The following DGKZ variants were observed in gnomAD, a reference collection of about 807,000 sequenced individuals.
The protein encoded by DGKZ is DAG kinase zeta.
DGKZ carries 45 observed loss-of-function variants against 142.5 expected under a neutral mutation model. The ratio of observed to expected loss-of-function variants is 0.32; its 90% CI spans 0.25 to 0.40. DGKZ has a LOEUF of 0.40. Ranked by LOEUF, DGKZ falls within the 10% of genes least tolerant of loss-of-function variation. The pLI is 1.00. For missense variants in DGKZ, 755 were observed against 1,306.5 expected (o/e 0.58, Z 6.51); for synonymous variants, 442 against 527.0 (o/e 0.84, Z 2.21).
chr11:46,378,613 G>C (rs532364214), intron 27 of DGKZ, 113 bp downstream of exon 27: 4 of 1,408,566 alleles, frequency 2.8e-6, no homozygotes, highest in African/African-American at 1.4e-5. Context: ...ATCTGTCATC[G>C]TCTGGCCCTC....
intron 1 of DGKZ, among the ~76,000 whole-genome samples, chr11:46,336,423 T>C (rs1387576371): frequency 6.6e-6 from 1 of 152,158 alleles, no homozygotes; most frequent in Non-Finnish European, 1.5e-5. Flanking sequence ...TGGTTTCCAA[T>C]AAGTCATAAA....
upstream of DGKZ, among the ~76,000 whole-genome samples, chr11:46,346,876 G>A (rs1940673774): frequency 6.6e-6 from 1 of 152,222 alleles, no homozygotes; most frequent in South Asian, 2.1e-4. Context: ...AAACTTGTGA[G>A]TTCTTTGTTG....
intron 1 of DGKZ, chr11:46,366,952 G>A (rs1227038025): frequency 1.6e-5 from 25 of 1,537,396 alleles, no homozygotes; most frequent in Non-Finnish European, 2.0e-5. Context: ...GGCGCAAGGC[G>A]GCCGGACCCC....
At position 46,372,663 on chromosome 11, in the gene DGKZ, G is replaced by T; in HGVS notation, c.1057G>T (p.Gly353Trp). 2 of 1,613,394 alleles carry T rather than the reference G, an allele frequency of 1.2e-6. No individual in the cohort carries two copies. Among genetic ancestry groups the T allele is most frequent in the Non-Finnish European group, 1.7e-6 (2 of 1,179,940 alleles). The change falls in exon 12 of 31, where the codon GGG becomes TGG. Residue 353 changes from glycine (G) to tryptophan (W), a missense_variant. By Grantham distance (184) the Gly-to-Trp change is radical. Transcript: ENST00000527911. The surrounding 1 kb of genome is among the most constrained non-coding windows in gnomAD (Gnocchi z 5.9). ...GCACAACCTGCGGATCCTGGCGTGC[G>T]GGGGCGACGGCACGGTGAGCTCCCC...
At chr11:46,340,797 C>G (rs1253008489) in intron 1 of DGKZ, among the ~76,000 whole-genome samples, 1 of 152,222 alleles carries the variant, frequency 6.6e-6, no homozygotes, top group African/African-American at 2.4e-5. Flanking sequence ...CTCCCAAAGG[C>G]TTCAGCAGGT....
Position 46,347,467 on chromosome 11 carries a change from C to T in DGKZ, c.-193C>T. On this transcript the variant is annotated 5_prime_UTR_variant, in exon 1 of 31. Transcript: ENST00000527911. The surrounding 1 kb of genome is among the most constrained non-coding windows in gnomAD (Gnocchi z 6.4). ...GGTCCTGCGGCCGCGGCTGGCGGCACTTCCTGGAGCGGCGGCGGCAGCGGC... is the reference window on the plus strand; with the variant it reads ...GGTCCTGCGGCCGCGGCTGGCGGCATTTCCTGGAGCGGCGGCGGCAGCGGC... 2 of 982,440 alleles carry T rather than the reference C, an allele frequency of 2.0e-6. No individual in the cohort carries two copies. The highest frequency in any genetic ancestry group is 2.4e-6 in the Non-Finnish European group (2 of 828,774). The allele number at this position is 982,440 out of a possible 1,614,324, so 60.9% of individuals were successfully genotyped here.
rs943218916 is a variant in DGKZ at position 46,347,523 on chromosome 11, G to A, written c.-137G>A. On this transcript the variant is annotated 5_prime_UTR_variant, in exon 1 of 31. Coordinates refer to ENST00000527911, the Ensembl canonical transcript of DGKZ. The surrounding 1 kb of genome is among the most constrained non-coding windows in gnomAD (Gnocchi z 6.4). ...GGGCACCTGGGCGTGGGGAGCGGGGGCGCGCGGCGCGGGGCGGGCGGAGCG... is the reference window on the plus strand; with the variant it reads ...GGGCACCTGGGCGTGGGGAGCGGGGACGCGCGGCGCGGGGCGGGCGGAGCG... 6 of 982,406 alleles carry A rather than the reference G, an allele frequency of 6.1e-6. No individual in the cohort carries two copies. The Admixed American group carries it at 1.9e-4, about 31-fold the overall frequency. The allele number at this position is 982,406 out of a possible 1,614,324, so 60.9% of individuals were successfully genotyped here. A position where few individuals can be genotyped will look rare whatever the true frequency, so the allele number is the denominator to read the frequency against.
At chr11:46,378,780 C>G in intron 27 of DGKZ, 1 of 919,094 alleles carries the variant, frequency 1.1e-6, no homozygotes. Flanking sequence ...GCTTGGTCAC[C>G]AGTGCTGCCA....
intron 7 of DGKZ, 35 bp from the exon 8 acceptor site, chr11:46,371,452 C>T (rs373265714): frequency 1.9e-5 from 30 of 1,604,556 alleles, no homozygotes; most frequent in African/African-American, 8.0e-5. Flanking sequence ...AGTCTGAACA[C>T]GGTCCCGCTG....
intron 1 of DGKZ, among the ~76,000 whole-genome samples, chr11:46,359,402 G>A (rs917479010): frequency 3.1e-4 from 45 of 146,506 alleles, no homozygotes; most frequent in African/African-American, 9.1e-4. Flanking sequence ...CTGAGATTGC[G>A]CCATTGCACT....
chr11:46,342,997 G>A (rs932100085), upstream of DGKZ, among the ~76,000 whole-genome samples: 1 of 152,082 alleles, frequency 6.6e-6, no homozygotes, highest in Non-Finnish European at 1.5e-5. Flanking sequence ...GGTAGCGCAC[G>A]CCTGTGATCC....
At chr11:46,334,503 T>C (rs1415572976) in intron 1 of DGKZ, among the ~76,000 whole-genome samples, 1 of 152,196 alleles carries the variant, frequency 6.6e-6, no homozygotes, top group Non-Finnish European at 1.5e-5. Flanking sequence ...TTCATAAAAC[T>C]TGCCCAGCCC....
intron 1 of DGKZ, chr11:46,366,284 CG>C: frequency 6.3e-7 from 1 of 1,583,380 alleles, no homozygotes; most frequent in Admixed American, 1.7e-5. Flanking sequence ...GAGACATTTC[CG>C]GGGGAAGGTG....
exon 9 of DGKZ, chr11:46,371,754 G>A (rs76097160): frequency 3.1e-6 from 5 of 1,613,580 alleles, no homozygotes; most frequent in South Asian, 1.1e-5. Context: ...TCAAGAGGAA[G>A]TCCAGCAAGA....
exon 5 of DGKZ, chr11:46,369,533 T>C (rs1174518220): frequency 6.2e-7 from 1 of 1,613,118 alleles, no homozygotes; most frequent in Non-Finnish European, 8.5e-7. Context: ...TGAATCAGGC[T>C]CCAGGAATGT....
intron 1 of DGKZ, among the ~76,000 whole-genome samples, chr11:46,335,551 C>T (rs1939975294): frequency 6.6e-6 from 1 of 152,166 alleles, no homozygotes. Context: ...ACCAAGGATG[C>T]CAGGTAATCC....
chr11:46,353,600 G>A (rs992923284), intron 1 of DGKZ, among the ~76,000 whole-genome samples: 1 of 152,198 alleles, frequency 6.6e-6, no homozygotes, highest in Non-Finnish European at 1.5e-5. Context: ...CTTTAAGGGC[G>A]CAGGGAGTCT....
At position 46,372,205 on chromosome 11, in the gene DGKZ, G is replaced by C; in HGVS notation, c.927+35G>C. 1 of 1,546,184 alleles carries C rather than the reference G, an allele frequency of 6.5e-7. No individual in the cohort carries two copies. On this transcript the variant is annotated intron_variant, in intron 10 of 30. Transcript: ENST00000527911. This position sits in a 1 kb window ranked among gnomAD's most constrained non-coding sequence, Gnocchi z 5.9. Reference sequence around the variant, plus strand: ...GCCTTGCCTCTCAGCTAAGGGCTCGGGCGGGGGTTGGGGTCCAGCCCGTCT... The same window carrying C: ...GCCTTGCCTCTCAGCTAAGGGCTCGCGCGGGGGTTGGGGTCCAGCCCGTCT...
At chr11:46,346,039 G>A (rs945733171), upstream of DGKZ, among the ~76,000 whole-genome samples, 9 of 152,170 alleles carry the variant, frequency 5.9e-5, no homozygotes, top group Non-Finnish European at 1.0e-4. Flanking sequence ...CCTCCTCCTG[G>A]CCACCCTGGC....
Sources: gnomAD v4.1 joint callset for allele counts (sites outside exome capture counted in the v4.1 genomes callset) on GRCh38, gnomAD v4.1.1 for gene constraint, Gnocchi (gnomAD v3.1) non-coding constraint, MANE v1.5 for transcripts, NCBI Gene and HGNC (gene_info 2026-07-23, HGNC 2026-07-21) for gene names.